The following PPP1R3A variants were observed in gnomAD, a reference collection of about 807,000 sequenced individuals.
The protein encoded by PPP1R3A is protein phosphatase 1 regulatory subunit 3A, also known as RG1.
PPP1R3A carries 29 observed loss-of-function variants against 41.7 expected under a neutral mutation model. That is an observed-to-expected ratio of 0.70 (90% CI 0.52 to 0.95). PPP1R3A has a LOEUF of 0.95. Among genes scored for constraint, PPP1R3A ranks in the 40% least tolerant of loss-of-function variants. The pLI is 0.00. For missense variants in PPP1R3A, 1,352 were observed against 1,292.4 expected (o/e 1.05, Z -0.71); for synonymous variants, 485 against 453.4 (o/e 1.07, Z -0.89).
chr7:113,908,620 T>C (rs1467434575), intron 1 of PPP1R3A, among the ~76,000 whole-genome samples: 2 of 151,958 alleles, frequency 1.3e-5, no homozygotes, highest in Non-Finnish European at 2.9e-5. Flanking sequence ...GTAAACCAAT[T>C]TAAATTTCAG....
intron 1 of PPP1R3A, among the ~76,000 whole-genome samples, chr7:113,890,492 G>C (rs1221217939): frequency 1.3e-5 from 2 of 152,092 alleles, no homozygotes; most frequent in African/African-American, 4.8e-5. Flanking sequence ...TATTAAAAAA[G>C]AATATCTGCA....
At chr7:113,909,288 C>A (rs1562925915) in intron 1 of PPP1R3A, among the ~76,000 whole-genome samples, 1 of 152,040 alleles carries the variant, frequency 6.6e-6, no homozygotes, top group East Asian at 1.9e-4. Context: ...TATTTGTCCA[C>A]AGTTTTCAAG....
chr7:113,899,690 AC>A (rs1562923367), intron 1 of PPP1R3A, among the ~76,000 whole-genome samples: 1 of 151,674 alleles, frequency 6.6e-6, no homozygotes, highest in Non-Finnish European at 1.5e-5. Context: ...TAGTCTGGAG[AC>A]CTTTTAAAAA....
chr7:113,895,922 A>G (rs1181906075), intron 1 of PPP1R3A, among the ~76,000 whole-genome samples: 1 of 151,926 alleles, frequency 6.6e-6, no homozygotes, highest in Non-Finnish European at 1.5e-5. Flanking sequence ...AATTCTTCAC[A>G]ATAGTATTAC....
intron 1 of PPP1R3A, among the ~76,000 whole-genome samples, chr7:113,906,744 T>C (rs1797155228): frequency 6.6e-6 from 1 of 151,866 alleles, no homozygotes; most frequent in Admixed American, 6.6e-5. Context: ...TAATAGTTTT[T>C]CAAAGGTTTT....
At chr7:113,880,516 C>A (rs547501286) in intron 3 of PPP1R3A, among the ~76,000 whole-genome samples, 77 of 152,082 alleles carry the variant, frequency 5.1e-4, no homozygotes, top group African/African-American at 1.7e-3. Context: ...TGTAGGTGCC[C>A]CCATTACAGT....
intron 1 of PPP1R3A, among the ~76,000 whole-genome samples, chr7:113,885,762 C>A (rs1018943219): frequency 4.7e-5 from 7 of 149,254 alleles, no homozygotes; most frequent in Non-Finnish European, 8.9e-5. Flanking sequence ...TTTTATTAAG[C>A]TAAAAACTAC....
Position 113,877,928 on chromosome 7 carries a change from G to C in PPP1R3A, c.3164C>G (p.Pro1055Arg). Reference sequence around the variant, plus strand: ...GCCTTGAGCTTGACTTTCCTCAACAGGAAGACTAGTAGAAGCAGAGCTGTC... The same window carrying C: ...GCCTTGAGCTTGACTTTCCTCAACACGAAGACTAGTAGAAGCAGAGCTGTC... ...ESDSSASTSLPVEESQAQGNE... is the reference protein window; with the variant it reads ...ESDSSASTSLRVEESQAQGNE... The change falls in exon 4 of 4, where the codon CCT (proline) becomes CGT (arginine). Residue 1055 changes from proline to arginine, a missense_variant. Coordinates refer to ENST00000284601, the MANE Select transcript of PPP1R3A (RefSeq NM_002711.4). The C allele has an allele frequency of 3.7e-6, 6 of 1,613,350 alleles. No homozygotes were observed. The highest frequency in any genetic ancestry group is 5.1e-6 in the Non-Finnish European group (6 of 1,179,582).
chr7:113,890,618 T>G (rs1212127822), intron 1 of PPP1R3A, among the ~76,000 whole-genome samples: 2 of 152,134 alleles, frequency 1.3e-5, no homozygotes, highest in Non-Finnish European at 2.9e-5. Context: ...AATAAATGTT[T>G]GTGTATCTCA....
At chr7:113,889,788 A>G (rs1439930127) in intron 1 of PPP1R3A, among the ~76,000 whole-genome samples, 1 of 152,178 alleles carries the variant, frequency 6.6e-6, no homozygotes, top group African/African-American at 2.4e-5. Context: ...TCAATGCATC[A>G]TCATTTAACA....
intron 1 of PPP1R3A, among the ~76,000 whole-genome samples, chr7:113,902,240 G>A (rs554417485): frequency 6.6e-6 from 1 of 151,758 alleles, no homozygotes; most frequent in African/African-American, 2.4e-5. Context: ...TGATACTCCA[G>A]CCTCAGCCTC....
At chr7:113,890,936 T>C (rs868420641) in intron 1 of PPP1R3A, among the ~76,000 whole-genome samples, 2 of 151,878 alleles carry the variant, frequency 1.3e-5, no homozygotes, top group South Asian at 2.1e-4. Context: ...CCCATCATTT[T>C]ATAGAGAAAA....
intron 1 of PPP1R3A, among the ~76,000 whole-genome samples, chr7:113,889,431 A>G (rs1562920451): frequency 6.6e-6 from 1 of 152,192 alleles, no homozygotes; most frequent in African/African-American, 2.4e-5. Flanking sequence ...CATGGGTGAA[A>G]GAAAGAGGAT....
At chr7:113,890,487 A>G (rs1308468079) in intron 1 of PPP1R3A, among the ~76,000 whole-genome samples, 1 of 152,150 alleles carries the variant, frequency 6.6e-6, no homozygotes, top group African/African-American at 2.4e-5. Flanking sequence ...ACATATATTA[A>G]AAAAGAATAT....
chr7:113,889,592 T>C (rs1246906702), intron 1 of PPP1R3A, among the ~76,000 whole-genome samples: 3 of 152,188 alleles, frequency 2.0e-5, no homozygotes, highest in Non-Finnish European at 2.9e-5. Context: ...ACTATCTTTA[T>C]AAGTTGCGGT....
At position 113,879,225 on chromosome 7, in the gene PPP1R3A, C is replaced by T. The variant is rs1376114512; in HGVS notation, c.1867G>A (p.Gly623Arg). The stretch of plus-strand genomic sequence containing the variant: ...AGATAATCATTCCTCAAAACATTTC[C>T]AGTTCTTGATGAACAAACTTGACCA... ...ITGQVCSSRT[G>R]NVLRNDYLFQ... The change falls in exon 4 of 4, where the codon GGA becomes AGA. Residue 623 changes from glycine (G) to arginine (R), a missense_variant. Physicochemically the swap from Gly to Arg is moderately radical, Grantham distance 125 (BLOSUM62 -2). Coordinates refer to ENST00000284601, the MANE Select transcript of PPP1R3A (RefSeq NM_002711.4). 3.1e-6 allele frequency: 5 copies of T among 1,613,536 alleles called. No individual in the cohort carries two copies. The highest frequency in any genetic ancestry group is 4.2e-6 in the Non-Finnish European group (5 of 1,179,774).
chr7:113,895,494 AC>A (rs1262488761), intron 1 of PPP1R3A, among the ~76,000 whole-genome samples: 1 of 151,980 alleles, frequency 6.6e-6, no homozygotes, highest in Admixed American at 6.6e-5. Context: ...GATCCTGGGC[AC>A]ATTTCTGGAT....
At chr7:113,880,997 T>C (rs564692250) in intron 3 of PPP1R3A, among the ~76,000 whole-genome samples, 6 of 152,168 alleles carry the variant, frequency 3.9e-5, no homozygotes, top group Admixed American at 2.0e-4. Context: ...CTAAACAAAC[T>C]TTTATATTTG....
chr7:113,894,187 G>A (rs1211976140), intron 1 of PPP1R3A, among the ~76,000 whole-genome samples: 1 of 151,882 alleles, frequency 6.6e-6, no homozygotes. Context: ...GTCCAAGTGC[G>A]AACCAAAAAA....
Sources: allele counts gnomAD v4.1 joint callset (sites outside exome capture counted in the v4.1 genomes callset), GRCh38; gene constraint gnomAD v4.1.1; transcripts MANE v1.5; gene names NCBI Gene and HGNC (gene_info 2026-07-23, HGNC 2026-07-21).